Variants in CSGALNACT1 observed in about 807,000 individuals in gnomAD.
The protein encoded by CSGALNACT1 is beta4GalNAcT-1.
A neutral mutation model predicts 51.0 loss-of-function variants in CSGALNACT1; 52 were observed. The ratio of observed to expected loss-of-function variants is 1.02; its 90% CI spans 0.82 to 1.29. The LOEUF is 1.29. Ranked by LOEUF, CSGALNACT1 falls within the 50% of genes most tolerant of loss-of-function variation. CSGALNACT1 has a pLI of 0.00. For synonymous variants in CSGALNACT1, 341 were observed against 254.4 expected, an observed-to-expected ratio of 1.34 and a Z score of -3.24; for missense variants, 935 against 679.2, an observed-to-expected ratio of 1.38 and a Z score of -4.19.
intron 1 of CSGALNACT1, among the ~76,000 whole-genome samples, chr8:19,627,610 G>C (rs1375959799): frequency 2.0e-5 from 3 of 152,118 alleles, no homozygotes; most frequent in African/African-American, 7.2e-5. Context: ...GATCACTTGA[G>C]GCCAGGAGTT....
chr8:19,507,528 G>GAAAACAAAAAAAAAAAA (rs2077579648), intron 3 of CSGALNACT1, among the ~76,000 whole-genome samples: 1 of 74,890 alleles, frequency 1.3e-5, no homozygotes, highest in African/African-American at 5.6e-5. Flanking sequence ...ATCTTAGCCA[G>GAAAACAAAAAAAAAAAA]AAAAAAAAAA....
chr8:19,645,227 T>G (rs1356432187), intron 1 of CSGALNACT1, among the ~76,000 whole-genome samples: 1 of 152,214 alleles, frequency 6.6e-6, no homozygotes, highest in Non-Finnish European at 1.5e-5. Context: ...TGCTGGATTA[T>G]TAATAAGTCA....
At chr8:19,548,063 A>C (rs951122423) in intron 3 of CSGALNACT1, among the ~76,000 whole-genome samples, 3 of 152,206 alleles carry the variant, frequency 2.0e-5, no homozygotes, top group Admixed American at 6.5e-5. Flanking sequence ...GGAAATGTCC[A>C]AAGCTGGAAG....
At chr8:19,673,720 A>G (rs903251561) in intron 1 of CSGALNACT1, among the ~76,000 whole-genome samples, 13 of 152,220 alleles carry the variant, frequency 8.5e-5, no homozygotes, top group African/African-American at 3.1e-4. Flanking sequence ...GGATGTCAAC[A>G]TCTTAGCACA....
Position 19,458,432 on chromosome 8 carries a change from T to G in CSGALNACT1, c.845A>C (p.Asn282Thr), listed in dbSNP as rs746383239. Residue 282 changes from asparagine to threonine, a missense_variant, in exon 5 of 10, where the codon AAT becomes ACT. By Grantham distance (65) the Asn-to-Thr change is moderately conservative. Transcript: ENST00000454498. ...CACGTGCGAACAAACCAACCTGAAA[T>G]TCTGCATGAACTGCCGGAACTTGTC... The G allele has an allele frequency of 1.4e-5, 23 of 1,613,978 alleles. No individual in the cohort carries two copies. The highest frequency in any genetic ancestry group is 1.9e-5 in the Non-Finnish European group (22 of 1,179,862).
chr8:19,496,771 C>A (rs11994961), intron 4 of CSGALNACT1, among the ~76,000 whole-genome samples: 125,589 of 152,072 alleles, frequency 0.83, 52,264 homozygotes, highest in East Asian at 1. Context: ...AATCAACGAC[C>A]TAAGCAAGGC....
intron 4 of CSGALNACT1, among the ~76,000 whole-genome samples, chr8:19,481,645 T>G (rs1056001185): frequency 1.3e-5 from 2 of 152,088 alleles, no homozygotes; most frequent in African/African-American, 4.8e-5. Context: ...TGGTCAAAAT[T>G]TTATAATCAA....
intron 4 of CSGALNACT1, among the ~76,000 whole-genome samples, chr8:19,467,370 C>G (rs1459846368): frequency 6.6e-6 from 1 of 152,024 alleles, no homozygotes; most frequent in East Asian, 1.9e-4. Context: ...ATCCACCTAC[C>G]TCGGCCCCCC....
At chr8:19,708,778 G>C (rs993213288) in intron 1 of CSGALNACT1, among the ~76,000 whole-genome samples, 1 of 152,150 alleles carries the variant, frequency 6.6e-6, no homozygotes, top group African/African-American at 2.4e-5. Flanking sequence ...AGAGCTTCAG[G>C]AGGAAAAAGT....
intron 3 of CSGALNACT1, among the ~76,000 whole-genome samples, chr8:19,577,057 C>T (rs2044393524): frequency 1.3e-5 from 2 of 149,330 alleles, no homozygotes; most frequent in South Asian, 4.2e-4. Flanking sequence ...GACTCTGCTC[C>T]CCTTTGGGAA....
intron 4 of CSGALNACT1, 135 bp downstream of exon 3, chr8:19,505,066 G>T: frequency 2.3e-6 from 2 of 868,522 alleles, no homozygotes; most frequent in Non-Finnish European, 3.9e-6. Flanking sequence ...CGTACCTTTT[G>T]GTGTCACACA....
intron 3 of CSGALNACT1, among the ~76,000 whole-genome samples, chr8:19,511,345 G>C (rs2078431952): frequency 6.6e-6 from 1 of 152,176 alleles, no homozygotes; most frequent in African/African-American, 2.4e-5. Flanking sequence ...TTCCACTTGG[G>C]CACATACAAT....
At chr8:19,515,780 G>C (rs1332942298) in intron 3 of CSGALNACT1, among the ~76,000 whole-genome samples, 1 of 152,042 alleles carries the variant, frequency 6.6e-6, no homozygotes, top group Non-Finnish European at 1.5e-5. Flanking sequence ...TGATGGAGAG[G>C]GGCTTCCTGT....
At chr8:19,494,377 C>A (rs534066159) in intron 4 of CSGALNACT1, among the ~76,000 whole-genome samples, 2 of 152,290 alleles carry the variant, frequency 1.3e-5, no homozygotes, top group African/African-American at 4.8e-5. Flanking sequence ...GTAGCCTTCC[C>A]TGTGATGCCC....
chr8:19,513,677 A>C (rs530865546), intron 3 of CSGALNACT1, among the ~76,000 whole-genome samples: 82 of 152,082 alleles, frequency 5.4e-4, no homozygotes, highest in African/African-American at 1.8e-3. Flanking sequence ...ATTTTCACAA[A>C]GCTAGATGGT....
At chr8:19,612,342 C>G (rs1256055006) in intron 1 of CSGALNACT1, among the ~76,000 whole-genome samples, 1 of 136,414 alleles carries the variant, frequency 7.3e-6, no homozygotes, top group African/African-American at 2.6e-5. Context: ...ATCCCTGTCT[C>G]AAAAAAAAAA....
intron 3 of CSGALNACT1, among the ~76,000 whole-genome samples, chr8:19,548,513 T>G (rs1038514455): frequency 4.6e-5 from 7 of 152,204 alleles, no homozygotes; most frequent in African/African-American, 1.7e-4. Flanking sequence ...AACAATAGAT[T>G]ACTTTTCAAT....
chr8:19,554,051 AAAGTG>A (rs1010388386), intron 3 of CSGALNACT1, among the ~76,000 whole-genome samples: 4 of 152,064 alleles, frequency 2.6e-5, no homozygotes, highest in African/African-American at 9.7e-5. Flanking sequence ...AGCCCCAGAA[AAAGTG>A]AAGAAGAAAA....
chr8:19,619,299 A>G (rs1564275119), intron 1 of CSGALNACT1, among the ~76,000 whole-genome samples: 1 of 151,686 alleles, frequency 6.6e-6, no homozygotes, highest in Non-Finnish European at 1.5e-5. Flanking sequence ...AGCATGGCAG[A>G]GTTTGGAACC....
Sources: gnomAD v4.1 joint callset for allele counts (sites outside exome capture counted in the v4.1 genomes callset) on GRCh38, gnomAD v4.1.1 for gene constraint, MANE v1.5 for transcripts, NCBI Gene and HGNC (gene_info 2026-07-23, HGNC 2026-07-21) for gene names.